DCT: variants seen among roughly 807,000 people sequenced by gnomAD.
DCT encodes L-dopachrome tautomerase.
In DCT, 47 loss-of-function variants were observed where a neutral mutation model predicts 53.0. That is an observed-to-expected ratio of 0.89 (90% CI 0.70 to 1.13). The LOEUF (loss-of-function observed/expected upper bound fraction) is 1.13. DCT is among the 50% of genes most tolerant of loss of function. The pLI is 0.00. For missense variants in DCT, 669 were observed against 637.4 expected (o/e 1.05, Z -0.53); for synonymous variants, 244 against 237.0 (o/e 1.03, Z -0.27).
At chr13:94,547,984 A>AAAAAAATATAT in the DCT span, among the ~76,000 whole-genome samples, 10 of 65,816 alleles carry the variant, frequency 1.5e-4, no homozygotes, top group African/African-American at 1.0e-3. Context: ...AAAAAAAAAA[A>AAAAAAATATAT]ATATATATAT....
rs2139262358 is a variant in DCT, at chr13:94,439,288, A to G, written c.*610T>C. ...TTCATTTAGTCATTTTCCATCCTGT[A>G]AAGAAAACAAGGCTTATTCTCATCT... On this transcript the variant is annotated 3_prime_UTR_variant, in exon 8 of 8. Transcript: ENST00000377028. The G allele has an allele frequency of 6.6e-6, 1 of 152,432 alleles. No homozygotes were observed. Among genetic ancestry groups the G allele is most frequent in the South Asian group, 2.1e-4 (1 of 4,824 alleles). The allele number at this position is 152,432 out of a possible 1,614,324, so 9.4% of individuals were successfully genotyped here. A position where few individuals can be genotyped will look rare whatever the true frequency, so the allele number is the denominator to read the frequency against.
At chr13:94,515,858 G>A in the DCT span, among the ~76,000 whole-genome samples, 1 of 152,152 alleles carries the variant, frequency 6.6e-6, no homozygotes, top group Admixed American at 6.5e-5. Flanking sequence ...TCCAAGGAAG[G>A]TGTTTGATAC....
At position 94,465,666 on chromosome 13, in the gene DCT, G is replaced by C; in HGVS notation, c.830C>G (p.Ser277Ter). The C allele has an allele frequency of 1.2e-6, 2 of 1,613,470 alleles. No homozygotes were observed. The highest frequency in any genetic ancestry group is 1.7e-6 in the Non-Finnish European group (2 of 1,179,820). Residue 277 changes from serine to a stop codon, truncating the protein, a stop_gained, in exon 4 of 8, where the codon TCA becomes TGA. Coordinates refer to ENST00000377028, the MANE Select transcript of DCT (RefSeq NM_001922.5). LOFTEE classifies it high-confidence loss of function. ...GACAGTTTCCCAGCTGGAGAATCTT[G>C]AGTTCCGACTAATCAGAGTCGGATC... ...PDDPTLISRN[S>*]RFSSWETVCD...
the DCT span, among the ~76,000 whole-genome samples, chr13:94,498,871 G>A: frequency 2.2e-3 from 334 of 152,250 alleles, 10 homozygotes; most frequent in Admixed American, 0.022. Flanking sequence ...GATTGTAAAT[G>A]CACCAGTCAG....
At chr13:94,445,658 G>A in intron 6 of DCT, 1 of 1,104,808 alleles carries the variant, frequency 9.1e-7, no homozygotes. Context: ...CTGTTATGCA[G>A]AAATGGATAA....
At chr13:94,483,062 C>T (rs905019992), upstream of DCT, among the ~76,000 whole-genome samples, 4 of 151,820 alleles carry the variant, frequency 2.6e-5, no homozygotes, top group Non-Finnish European at 5.9e-5. Flanking sequence ...TCACGTGAGC[C>T]CAGGAGTCTG....
At chr13:94,443,814 T>C (rs1032894848) in intron 6 of DCT, among the ~76,000 whole-genome samples, 177 bp from the exon 7 acceptor site, 2 of 152,170 alleles carry the variant, frequency 1.3e-5, no homozygotes, top group East Asian at 1.9e-4. Context: ...TCAACTCATA[T>C]AGAGTGACTA....
At chr13:94,444,048 A>G (rs905584020) in intron 6 of DCT, among the ~76,000 whole-genome samples, 6 of 152,202 alleles carry the variant, frequency 3.9e-5, no homozygotes, top group Non-Finnish European at 5.9e-5. Context: ...ATGTTCTAGT[A>G]TTGAGATGAT....
the DCT span, among the ~76,000 whole-genome samples, chr13:94,547,984 A>AATATATATATATATATAT: frequency 7.6e-5 from 5 of 65,816 alleles, no homozygotes; most frequent in African/African-American, 5.2e-4. Flanking sequence ...AAAAAAAAAA[A>AATATATATATATATATAT]ATATATATAT....
chr13:94,473,233 A>G (rs181598990), intron 1 of DCT, among the ~76,000 whole-genome samples: 34 of 152,320 alleles, frequency 2.2e-4, no homozygotes, highest in Admixed American at 4.6e-4. Flanking sequence ...GAATATCCAT[A>G]TGACTATTTT....
chr13:94,486,411 T>A, the DCT span, among the ~76,000 whole-genome samples: 4 of 152,168 alleles, frequency 2.6e-5, no homozygotes, highest in African/African-American at 9.7e-5. Flanking sequence ...AATTAAGAAA[T>A]CCTCATTCTG....
chr13:94,489,873 A>T, the DCT span, among the ~76,000 whole-genome samples: 1 of 152,172 alleles, frequency 6.6e-6, no homozygotes, highest in Non-Finnish European at 1.5e-5. Flanking sequence ...CACATAGAAG[A>T]TATTCTTGTC....
intron 5 of DCT, among the ~76,000 whole-genome samples, chr13:94,461,286 A>G (rs978902680): frequency 6.6e-6 from 1 of 152,194 alleles, no homozygotes; most frequent in Non-Finnish European, 1.5e-5. Context: ...GGAGCAGGGC[A>G]TGAAACATGT....
chr13:94,499,283 C>T, the DCT span, among the ~76,000 whole-genome samples: 22 of 152,204 alleles, frequency 1.4e-4, no homozygotes, highest in Non-Finnish European at 2.1e-4. Flanking sequence ...TGAAGGTCTG[C>T]GGCTTCATTT....
chr13:94,483,455 T>TC (rs1450350445), upstream of DCT, among the ~76,000 whole-genome samples: 1 of 148,536 alleles, frequency 6.7e-6, no homozygotes, highest in Non-Finnish European at 1.5e-5. Flanking sequence ...TTTTTTTTTT[T>TC]CCAGACTAAA....
chr13:94,455,098 C>T (rs1316615363), intron 6 of DCT, among the ~76,000 whole-genome samples: 1 of 152,102 alleles, frequency 6.6e-6, no homozygotes, highest in Non-Finnish European at 1.5e-5. Flanking sequence ...AGGGAAATCC[C>T]TACTACAGGC....
chr13:94,495,058 T>C, the DCT span, among the ~76,000 whole-genome samples: 1 of 152,216 alleles, frequency 6.6e-6, no homozygotes, highest in Non-Finnish European at 1.5e-5. Context: ...TTCCATGAGT[T>C]AAATTCCAAG....
the DCT span, among the ~76,000 whole-genome samples, chr13:94,495,902 G>A: frequency 2.6e-5 from 4 of 152,170 alleles, no homozygotes. Context: ...TGAAGGGATG[G>A]CTCTGCAGGG....
chr13:94,536,468 T>A, the DCT span, among the ~76,000 whole-genome samples: 1 of 152,094 alleles, frequency 6.6e-6, no homozygotes, highest in South Asian at 2.1e-4. Context: ...TGGGAGGTGT[T>A]TGGGTCTTGG....
Sources: allele counts gnomAD v4.1 joint callset (sites outside exome capture counted in the v4.1 genomes callset), GRCh38; gene constraint gnomAD v4.1.1; transcripts MANE v1.5; gene names NCBI Gene and HGNC (gene_info 2026-07-23, HGNC 2026-07-21).